Variants in HLCS observed in about 807,000 individuals in gnomAD.
HLCS encodes the protein biotin--protein ligase.
Under a neutral mutation model 75.0 loss-of-function variants are expected in HLCS, and 53 were observed. That is an observed-to-expected ratio of 0.71 (90% CI 0.57 to 0.89). HLCS has a LOEUF of 0.89. Among genes scored for constraint, HLCS ranks in the 40% least tolerant of loss-of-function variants. The pLI is 0.00. For missense variants in HLCS, 966 were observed against 1,074.0 expected (o/e 0.90, Z 1.41); for synonymous variants, 431 against 428.6 (o/e 1.01, Z -0.07).
At chr21:36,908,933 G>A (rs932797430) in intron 5 of HLCS, among the ~76,000 whole-genome samples, 4 of 152,290 alleles carry the variant, frequency 2.6e-5, no homozygotes, top group South Asian at 4.2e-4. Flanking sequence ...AGTGGCTCAC[G>A]CCTGTAATCC....
At chr21:36,967,334 A>G (rs1269664831), upstream of HLCS, among the ~76,000 whole-genome samples, 2 of 152,196 alleles carry the variant, frequency 1.3e-5, no homozygotes, top group African/African-American at 4.8e-5. Context: ...TTAAATAAGG[A>G]CAGGAAACAG....
chr21:36,988,783 C>G (rs2069276425), intron 1 of HLCS, among the ~76,000 whole-genome samples: 1 of 152,106 alleles, frequency 6.6e-6, no homozygotes, highest in Non-Finnish European at 1.5e-5. Flanking sequence ...ATTTCTCCTC[C>G]TATGGGAGAA....
At chr21:36,845,562 T>C (rs2062769360) in intron 6 of HLCS, among the ~76,000 whole-genome samples, 1 of 152,138 alleles carries the variant, frequency 6.6e-6, no homozygotes, top group Admixed American at 6.5e-5. Context: ...TCAGAGGCAG[T>C]AGCAGGGACA....
At chr21:36,862,050 T>G (rs1410233231) in intron 6 of HLCS, among the ~76,000 whole-genome samples, 1 of 152,236 alleles carries the variant, frequency 6.6e-6, no homozygotes, top group Non-Finnish European at 1.5e-5. Context: ...ACATGTGGTC[T>G]TCTTCTGTGT....
In HLCS at chr21:36,754,054, C is replaced by T. The variant is rs1037148759; in HGVS notation, c.*192G>A. ...TAAACTAAATTTTCTACTTCTTAACCATCTATCCCAGAGCCTCTTCAAACA... is the reference window on the plus strand; with the variant it reads ...TAAACTAAATTTTCTACTTCTTAACTATCTATCCCAGAGCCTCTTCAAACA... On this transcript the variant is annotated 3_prime_UTR_variant, in exon 11 of 11. Coordinates refer to ENST00000674895, the MANE Select transcript of HLCS (RefSeq NM_001352514.2). 1 of 652,942 alleles carries T rather than the reference C, an allele frequency of 1.5e-6. No homozygotes were observed. Among genetic ancestry groups the T allele is most frequent in the Non-Finnish European group, 2.6e-6 (1 of 384,894 alleles). The allele number at this position is 652,942 out of a possible 1,614,324, so 40.4% of individuals were successfully genotyped here. A position where few individuals can be genotyped will look rare whatever the true frequency, so the allele number is the denominator to read the frequency against.
At chr21:36,821,678 T>G (rs940549474) in intron 6 of HLCS, among the ~76,000 whole-genome samples, 1 of 152,216 alleles carries the variant, frequency 6.6e-6, no homozygotes, top group South Asian at 2.1e-4. Context: ...CTATATGATA[T>G]TTAAGCATGT....
intron 5 of HLCS, among the ~76,000 whole-genome samples, chr21:36,916,318 T>C (rs912070971): frequency 6.6e-6 from 1 of 152,114 alleles, no homozygotes; most frequent in Non-Finnish European, 1.5e-5. Flanking sequence ...TCTGTCCTCA[T>C]AGCATCCGGC....
At chr21:36,976,701 C>G (rs974635860) in intron 1 of HLCS, among the ~76,000 whole-genome samples, 14 of 152,130 alleles carry the variant, frequency 9.2e-5, no homozygotes, top group Non-Finnish European at 2.1e-4. Context: ...ACTCTCTGTA[C>G]TATTTCTCTT....
In HLCS at chr21:36,937,025, C is replaced by G; in HGVS notation, c.861G>C (p.Glu287Asp). The G allele has an allele frequency of 6.2e-7, 1 of 1,614,128 alleles. No individual in the cohort carries two copies. The highest frequency in any genetic ancestry group is 8.5e-7 in the Non-Finnish European group (1 of 1,180,014). Residue 287 changes from glutamate (E) to aspartate (D), a missense_variant, in exon 4 of 11, where the codon GAG (glutamate) becomes GAC (aspartate). By Grantham distance (45) the Glu-to-Asp change is conservative (BLOSUM62 2). Transcript: ENST00000674895. ...CGGGGGAGGTCTCATCAGCAACACT[C>G]TCCAAACTGCTGCTATAATCGTAGG... ...DLPYDYSSSL[E>D]SVADETSPER...
intron 2 of HLCS, among the ~76,000 whole-genome samples, chr21:36,958,253 A>AAAG (rs1555969613): frequency 0.4 from 53,864 of 135,072 alleles, 11,169 homozygotes; most frequent in Admixed American, 0.5. Flanking sequence ...AAAAAAAAAA[A>AAAG]AAAGAAAGAA....
chr21:36,973,743 C>CA (rs1411633375), intron 1 of HLCS: 1 of 152,340 alleles, frequency 6.6e-6, no homozygotes, highest in Non-Finnish European at 1.5e-5. Flanking sequence ...GTAATCCCGG[C>CA]ACTTCGGGAG....
At chr21:36,874,397 G>A (rs1014694943) in intron 6 of HLCS, among the ~76,000 whole-genome samples, 10 of 116,492 alleles carry the variant, frequency 8.6e-5, no homozygotes, top group African/African-American at 2.8e-4. Context: ...GCGAGACTCC[G>A]TCTCAAAAAA....
intron 6 of HLCS, among the ~76,000 whole-genome samples, chr21:36,773,529 C>T (rs933598918): frequency 6.6e-6 from 1 of 152,260 alleles, no homozygotes; most frequent in Non-Finnish European, 1.5e-5. Context: ...TGTGAGGCGA[C>T]CTCGAAGTCT....
chr21:36,773,317 T>C (rs569267150), intron 6 of HLCS, among the ~76,000 whole-genome samples: 1 of 152,340 alleles, frequency 6.6e-6, no homozygotes, highest in East Asian at 1.9e-4. Flanking sequence ...ACCTGTCCCG[T>C]GGCTCATTCC....
chr21:36,891,279 G>A (rs1055961963), intron 6 of HLCS, among the ~76,000 whole-genome samples: 13 of 152,302 alleles, frequency 8.5e-5, no homozygotes, highest in East Asian at 5.8e-4. Context: ...TCCTTGACAC[G>A]TGAGCCAACG....
chr21:36,938,774 G>T, intron 3 of HLCS, 58 bp downstream of exon 3: 1 of 1,565,198 alleles, frequency 6.4e-7, no homozygotes, highest in Non-Finnish European at 8.8e-7. Flanking sequence ...AAAGTGCTGG[G>T]ATTACAGGCA....
At chr21:36,933,836 C>T (rs562173483) in intron 4 of HLCS, among the ~76,000 whole-genome samples, 66 of 152,222 alleles carry the variant, frequency 4.3e-4, no homozygotes, top group East Asian at 1.7e-3. Flanking sequence ...ACAGAGTAGC[C>T]AAGATGCACA....
At chr21:36,895,638 G>C (rs1468953688) in intron 6 of HLCS, among the ~76,000 whole-genome samples, 1 of 152,148 alleles carries the variant, frequency 6.6e-6, no homozygotes, top group Non-Finnish European at 1.5e-5. Context: ...AAGTGTGACA[G>C]TCAAGAAAAT....
In HLCS at chr21:36,821,254, C is replaced by G. The variant is rs114619921; in HGVS notation, c.1893-53969G>C. On this transcript the variant is annotated intron_variant, in intron 6 of 10. Transcript: ENST00000674895. Reference sequence around the variant, plus strand: ...GAGCTGGCCACTGTGTCCAGGGGATCGTGCCTTGGGCAGATCTGCCTTCAT... The same window carrying G: ...GAGCTGGCCACTGTGTCCAGGGGATGGTGCCTTGGGCAGATCTGCCTTCAT... 2.1e-3 allele frequency among the ~76,000 whole-genome samples: 313 copies of G among 152,252 alleles called. 3 individuals are homozygous for G. The highest frequency in any genetic ancestry group is 7.1e-3 in the African/African-American group (294 of 41,540).
Sources: gnomAD v4.1 joint callset for allele counts (sites outside exome capture counted in the v4.1 genomes callset) on GRCh38, gnomAD v4.1.1 for gene constraint, MANE v1.5 for transcripts, NCBI Gene and HGNC (gene_info 2026-07-23, HGNC 2026-07-21) for gene names.